SLC35B2: variants seen among roughly 807,000 people sequenced by gnomAD.
SLC35B2 encodes the protein solute carrier family 35 member B2.
SLC35B2 carries 19 observed loss-of-function variants against 37.9 expected under a neutral mutation model. The observed-to-expected ratio is 0.50, with a 90% confidence interval of 0.35 to 0.74. The LOEUF (loss-of-function observed/expected upper bound fraction) is 0.74. Among genes scored for constraint, SLC35B2 ranks in the 30% least tolerant of loss-of-function variants. The probability of loss-of-function intolerance (pLI) is 0.01; values close to 1 mark genes in which losing one functional copy is unlikely to be tolerated. For missense variants in SLC35B2, 633 were observed against 547.6 expected (o/e 1.16, Z -1.56); for synonymous variants, 277 against 225.2 (o/e 1.23, Z -2.06).
Position 44,254,619 on chromosome 6 carries a change from C to T in SLC35B2, c.*87G>A, listed in dbSNP as rs1446493596. The T allele has an allele frequency of 9.1e-6, 13 of 1,431,870 alleles. No homozygotes were observed. The highest frequency in any genetic ancestry group is 2.7e-5 in the South Asian group (2 of 74,034). 88.7% of individuals were successfully genotyped at this position (1,431,870 alleles called of 1,614,324 possible). A position where few individuals can be genotyped will look rare whatever the true frequency, so the allele number is the denominator to read the frequency against. ...TACTGAGAAAACACCTGCATTTTGC[C>T]CTTTCAGCCAGCTCCCTCAGAGGTT... On this transcript the variant is annotated 3_prime_UTR_variant, in exon 4 of 4. Transcript: ENST00000393812.
Position 44,254,515 on chromosome 6 carries a change from T to G in SLC35B2, c.*191A>C. 1.6e-6 allele frequency: 1 copy of G among 636,048 alleles called. No homozygotes were observed. Among genetic ancestry groups the G allele is most frequent in the South Asian group, 2.1e-5 (1 of 47,776 alleles). 39.4% of individuals were successfully genotyped at this position (636,048 alleles called of 1,614,324 possible). A position where few individuals can be genotyped will look rare whatever the true frequency, so the allele number is the denominator to read the frequency against. On this transcript the variant is annotated 3_prime_UTR_variant, in exon 4 of 4. Coordinates refer to ENST00000393812, the MANE Select transcript of SLC35B2 (RefSeq NM_178148.4). ...CCGGGGCTCAGAATAAACTGCTTAC[T>G]GGAAGATGGGTGACTTAAGGCAAAA... is the stretch of plus-strand genomic sequence containing the variant.
Position 44,256,759 on chromosome 6 carries a change from G to C in SLC35B2, c.131C>G (p.Ala44Gly), listed in dbSNP as rs1197802715. The C allele has an allele frequency of 6.2e-7, 1 of 1,614,214 alleles. No individual in the cohort carries two copies. The highest frequency in any genetic ancestry group is 1.1e-5 in the South Asian group (1 of 91,082). Residue 44 changes from alanine to glycine, a missense_variant, in exon 2 of 4, where the codon GCT becomes GGT. Physicochemically the swap from Ala to Gly is moderately conservative, Grantham distance 60. Transcript: ENST00000393812. ...LWFFRFVVNA[A>G]GYASFMVPGY... Reference sequence around the variant, plus strand: ...AGGTACCATAAAGCTGGCATAGCCAGCAGCATTCACCACAAATCGGAAGAA... The same window carrying C: ...AGGTACCATAAAGCTGGCATAGCCACCAGCATTCACCACAAATCGGAAGAA...
chr6:44,256,311 C>G, intron 3 of SLC35B2, 31 bp downstream of exon 3: 1 of 1,582,616 alleles, frequency 6.3e-7, no homozygotes, highest in Non-Finnish European at 8.6e-7. Context: ...GGCATCCAAC[C>G]CAGGAAGAGA....
rs1406222505 is a variant in SLC35B2, at chr6:44,254,894, T to C, written c.1111A>G (p.Met371Val). ...QFGAAVFTIIMTLRQAFAILL... is the reference protein window; with the variant it reads ...QFGAAVFTIIVTLRQAFAILL... ...ATGGCAAAGGCCTGGCGGAGGGTCA[T>C]GATGATGGTGAAGACGGCAGCCCCA... Residue 371 changes from methionine to valine, a missense_variant, in exon 4 of 4, where the codon ATG becomes GTG. Physicochemically the swap from Met to Val is conservative, Grantham distance 21. Transcript: ENST00000393812. 1.2e-6 allele frequency: 2 copies of C among 1,613,950 alleles called. No homozygotes were observed. The highest frequency in any genetic ancestry group is 1.7e-6 in the Non-Finnish European group (2 of 1,179,920).
At chr6:44,255,696 TAGACAAAAA>T in intron 3 of SLC35B2, 52 bp from the exon 4 acceptor site, 1 of 1,518,940 alleles carries the variant, frequency 6.6e-7, no homozygotes, top group Non-Finnish European at 8.9e-7. Flanking sequence ...AATGAAAAGG[TAGACAAAAA>T]TTGACCTCTC....
chr6:44,256,483 G>A lies in SLC35B2; in HGVS notation c.219C>T (p.Cys73=), dbSNP rs1350704358. The A allele has an allele frequency of 4.3e-6, 7 of 1,614,194 alleles. No homozygotes were observed. Among genetic ancestry groups the A allele is most frequent in the Non-Finnish European group, 5.1e-6 (6 of 1,180,032 alleles). The change falls in exon 3 of 4, where the codon TGC becomes TGT. Residue 73 remains cysteine, a synonymous_variant. Coordinates refer to ENST00000393812, the MANE Select transcript of SLC35B2 (RefSeq NM_178148.4). ...KNYLETGRGL[C]FPLVKACVFG... is the part of the protein sequence containing the mutation. ...ACACACAAGCTTTCACCAGGGGAAAGCAGAGGCCCCTACCTGAAGAAAGCA... is the reference window on the plus strand; with the variant it reads ...ACACACAAGCTTTCACCAGGGGAAAACAGAGGCCCCTACCTGAAGAAAGCA...
chr6:44,256,253 A>G, intron 3 of SLC35B2, 89 bp downstream of exon 3: 1 of 1,496,256 alleles, frequency 6.7e-7, no homozygotes. Flanking sequence ...CAGCCAGCAA[A>G]GCTCTGGGAC....
Position 44,257,160 on chromosome 6 carries a change from G to A in SLC35B2, c.11+240C>T, listed in dbSNP as rs527493922. On this transcript the variant is annotated intron_variant, in intron 1 of 3. Coordinates refer to ENST00000393812, the MANE Select transcript of SLC35B2 (RefSeq NM_178148.4). ...TAGCCGGCTGCTCAGGTCAGAGGAA[G>A]CGCCCCTTCCCCCACACTCCCCTCC... The A allele has an allele frequency of 4.3e-5, 22 of 507,472 alleles. No individual in the cohort carries two copies. The African/African-American group carries it at 4.4e-4, about 10-fold the overall frequency. The allele number at this position is 507,472 out of a possible 1,614,324, so 31.4% of individuals were successfully genotyped here. A position where few individuals can be genotyped will look rare whatever the true frequency, so the allele number is the denominator to read the frequency against.
intron 1 of SLC35B2, 86 bp from the exon 2 acceptor site, chr6:44,256,964 G>C (rs1781586219): frequency 2.2e-6 from 3 of 1,371,988 alleles, no homozygotes; most frequent in Non-Finnish European, 2.9e-6. Context: ...GTAGTGCCCG[G>C]AGTCTCCTCC....
chr6:44,254,906 A>G lies in SLC35B2; in HGVS notation c.1099T>C (p.Phe367Leu). The G allele has an allele frequency of 6.2e-6, 10 of 1,614,226 alleles. No homozygotes were observed. The highest frequency in any genetic ancestry group is 7.6e-6 in the Non-Finnish European group (9 of 1,180,042). The change falls in exon 4 of 4, where the codon TTC (phenylalanine) becomes CTC (leucine). Residue 367 changes from phenylalanine to leucine, a missense_variant. By Grantham distance (22) the Phe-to-Leu change is conservative (BLOSUM62 0). Transcript: ENST00000393812. ...YTIGQFGAAVFTIIMTLRQAF... is the reference protein window; with the variant it reads ...YTIGQFGAAVLTIIMTLRQAF... ...TGGCGGAGGGTCATGATGATGGTGA[A>G]GACGGCAGCCCCAAACTGCCCAATG... is the stretch of plus-strand genomic sequence containing the variant.
chr6:44,255,639 A>C lies in SLC35B2; in HGVS notation c.366T>G (p.Ser122=). The change falls in exon 4 of 4, where the codon TCT becomes TCG. Residue 122 remains serine (S), a synonymous_variant. Transcript: ENST00000393812. ...CCTGCAGCACACCCCAAGTCAGATAAGACACCTGTTGGGGAAGGTAGAGAC... is the reference window on the plus strand; with the variant it reads ...CCTGCAGCACACCCCAAGTCAGATACGACACCTGTTGGGGAAGGTAGAGAC... ...LLFCATGLQV[S]YLTWGVLQER... 1 of 1,610,870 alleles carries C rather than the reference A, an allele frequency of 6.2e-7. No individual in the cohort carries two copies. The highest frequency in any genetic ancestry group is 8.5e-7 in the Non-Finnish European group (1 of 1,177,996).
Position 44,255,276 on chromosome 6 carries a change from G to A in SLC35B2, c.729C>T (p.Ala243=), listed in dbSNP as rs756735165. The change falls in exon 4 of 4, where the codon GCC becomes GCT. Residue 243 remains alanine (A), a synonymous_variant. Coordinates refer to ENST00000393812, the MANE Select transcript of SLC35B2 (RefSeq NM_178148.4). ...TGCTGACCCCAATGGAGATGAGGGT[G>A]GCTGTCAGGTACTCCCAGTGTTCGT... is the stretch of plus-strand genomic sequence containing the variant. The part of the protein sequence containing the change: ...RSYEHWEYLT[A]TLISIGVSMF... 1 of 1,614,234 alleles carries A rather than the reference G, an allele frequency of 6.2e-7. No homozygotes were observed. The highest frequency in any genetic ancestry group is 1.1e-5 in the South Asian group (1 of 91,078).
Position 44,254,555 on chromosome 6 carries a change from C to CT in SLC35B2, c.*150dup. ...TTAAGGCAAAAGGGAAGGCTGCCTC[C>CT]TGGGCTCCCCAATCCCCTGCTGCAG... On this transcript the variant is annotated 3_prime_UTR_variant, in exon 4 of 4. Coordinates refer to ENST00000393812, the MANE Select transcript of SLC35B2 (RefSeq NM_178148.4). The CT allele has an allele frequency of 1.1e-6, 1 of 896,020 alleles. No individual in the cohort carries two copies. Among genetic ancestry groups the CT allele is most frequent in the Non-Finnish European group, 1.7e-6 (1 of 597,918 alleles). 55.5% of individuals were successfully genotyped at this position (896,020 alleles called of 1,614,324 possible). A position where few individuals can be genotyped will look rare whatever the true frequency, so the allele number is the denominator to read the frequency against.
At chr6:44,257,212 C>A in intron 1 of SLC35B2, 188 bp downstream of exon 1, 2 of 611,714 alleles carry the variant, frequency 3.3e-6, no homozygotes, top group Middle Eastern at 9.7e-4. Flanking sequence ...GGGTCCCCAG[C>A]CCCTCCGCCC....
chr6:44,257,646 T>G (rs1781714435), upstream of SLC35B2: 1 of 195,754 alleles, frequency 5.1e-6, no homozygotes, highest in Non-Finnish European at 9.8e-6. Context: ...AGACGCGGCT[T>G]GGGTTCCGGG....
chr6:44,255,370 T>A lies in SLC35B2; in HGVS notation c.635A>T (p.Gln212Leu), dbSNP rs142339274. 1.7e-5 allele frequency: 28 copies of A among 1,614,136 alleles called. No individual in the cohort carries two copies. In the African/African-American group the frequency reaches 3.7e-4, roughly 22 times the overall value. Residue 212 changes from glutamine (Q) to leucine (L), a missense_variant, in exon 4 of 4, where the codon CAG (glutamine) becomes CTG (leucine). Gln to Leu is a moderately radical substitution (Grantham distance 113). Transcript: ENST00000393812. Reference sequence around the variant, plus strand: ...CACCTTAGAGGCCTTGGCCAGCACCTGGGTGGGGAAGCTGACGAACTTAAG... The same window carrying A: ...CACCTTAGAGGCCTTGGCCAGCACCAGGGTGGGGAAGCTGACGAACTTAAG... ...EALKFVSFPT[Q>L]VLAKASKVIP...
chr6:44,254,730 A>C lies in SLC35B2; in HGVS notation c.1275T>G (p.Val425=), dbSNP rs759032589. Reference sequence around the variant, plus strand: ...CTCAAACCTTCTGCACAGGAGACTCAACAGGCACAGCCTTCTTTCCCCGTT... The same window carrying C: ...CTCAAACCTTCTGCACAGGAGACTCCACAGGCACAGCCTTCTTTCCCCGTT... ...LKQRGKKAVP[V]ESPVQKV The change falls in exon 4 of 4, where the codon GTT becomes GTG. Residue 425 remains valine (V), a synonymous_variant. Coordinates refer to ENST00000393812, the MANE Select transcript of SLC35B2 (RefSeq NM_178148.4). 1.2e-6 allele frequency: 2 copies of C among 1,613,272 alleles called. No individual in the cohort carries two copies. Among genetic ancestry groups the C allele is most frequent in the South Asian group, 2.2e-5 (2 of 91,054 alleles).
Position 44,254,537 on chromosome 6 carries a change from A to T in SLC35B2, c.*169T>A. On this transcript the variant is annotated 3_prime_UTR_variant, in exon 4 of 4. Transcript: ENST00000393812. ...TACTGGAAGATGGGTGACTTAAGGC[A>T]AAAGGGAAGGCTGCCTCCTGGGCTC... The T allele has an allele frequency of 1.3e-6, 1 of 754,356 alleles. No individual in the cohort carries two copies. Among genetic ancestry groups the T allele is most frequent in the Non-Finnish European group, 2.1e-6 (1 of 478,006 alleles). 46.7% of individuals were successfully genotyped at this position (754,356 alleles called of 1,614,324 possible). A position where few individuals can be genotyped will look rare whatever the true frequency, so the allele number is the denominator to read the frequency against.
At position 44,254,288 on chromosome 6, in the gene SLC35B2, A is replaced by C; in HGVS notation, c.*418T>G. ...CAGCACCATCTTCACCCTCCTGGGA[A>C]AGCAGCATTGGAGCCTACACCGCTT... On this transcript the variant is annotated 3_prime_UTR_variant, in exon 4 of 4. Coordinates refer to ENST00000393812, the MANE Select transcript of SLC35B2 (RefSeq NM_178148.4). 5.0e-6 allele frequency: 1 copy of C among 202,006 alleles called. No individual in the cohort carries two copies. Among genetic ancestry groups the C allele is most frequent in the Non-Finnish European group, 1.0e-5 (1 of 96,824 alleles). The allele number at this position is 202,006 out of a possible 1,614,324, so 12.5% of individuals were successfully genotyped here. A position where few individuals can be genotyped will look rare whatever the true frequency, so the allele number is the denominator to read the frequency against.
Sources: gnomAD v4.1 joint callset for allele counts on GRCh38, gnomAD v4.1.1 for gene constraint, MANE v1.5 for transcripts, NCBI Gene and HGNC (gene_info 2026-07-23, HGNC 2026-07-21) for gene names.